Variants in KCNH8 observed in about 807,000 individuals in gnomAD.
The protein encoded by KCNH8 is voltage-gated delayed rectifier potassium channel KCNH8.
Under a neutral mutation model 103.6 loss-of-function variants are expected in KCNH8, and 70 were observed. The observed-to-expected ratio is 0.68, with a 90% CI of 0.56 to 0.82. KCNH8 has a LOEUF of 0.82. Among genes scored for constraint, KCNH8 ranks in the 40% least tolerant of loss-of-function variants. KCNH8 has a pLI of 0.00. For missense variants in KCNH8, 1,217 were observed against 1,329.9 expected, an observed-to-expected ratio of 0.92 and a Z score of 1.32; for synonymous variants, 498 against 489.4, an observed-to-expected ratio of 1.02 and a Z score of -0.23.
At chr3:19,514,654 A>G (rs1037114470) in intron 13 of KCNH8, among the ~76,000 whole-genome samples, 5 of 151,518 alleles carry the variant, frequency 3.3e-5, no homozygotes, top group African/African-American at 7.3e-5. Flanking sequence ...GTTAGATACT[A>G]TTTACCATGA....
intron 11 of KCNH8, among the ~76,000 whole-genome samples, chr3:19,496,850 AT>A (rs2068452988): frequency 1.3e-5 from 2 of 151,990 alleles, no homozygotes; most frequent in Admixed American, 6.6e-5. Context: ...TTGGCTTTTT[AT>A]TACTGTTTCA....
At chr3:19,316,615 C>T (rs998758278) in intron 3 of KCNH8, among the ~76,000 whole-genome samples, 1 of 151,916 alleles carries the variant, frequency 6.6e-6, no homozygotes, top group Non-Finnish European at 1.5e-5. Context: ...TCCTCCAGCT[C>T]TTACATATCA....
At chr3:19,378,732 A>G (rs998246550) in intron 5 of KCNH8, among the ~76,000 whole-genome samples, 11 of 152,228 alleles carry the variant, frequency 7.2e-5, no homozygotes, top group African/African-American at 2.7e-4. Context: ...ATGAGAAATG[A>G]TATGTTATGA....
intron 3 of KCNH8, among the ~76,000 whole-genome samples, chr3:19,339,321 A>G (rs1346532423): frequency 6.6e-6 from 1 of 152,118 alleles, no homozygotes; most frequent in Non-Finnish European, 1.5e-5. Flanking sequence ...TGTAGTTAGC[A>G]TTGTAATTCC....
At chr3:19,463,736 A>G (rs1389087428) in intron 11 of KCNH8, among the ~76,000 whole-genome samples, 3 of 152,100 alleles carry the variant, frequency 2.0e-5, no homozygotes. Flanking sequence ...TCTCAATTTC[A>G]AAGTGTATCC....
chr3:19,328,814 G>A (rs892485240), intron 3 of KCNH8, among the ~76,000 whole-genome samples: 8 of 152,072 alleles, frequency 5.3e-5, no homozygotes, highest in Non-Finnish European at 1.0e-4. Flanking sequence ...GTGAATAAAA[G>A]AATCCTATTT....
At chr3:19,187,229 G>C (rs1455345223) in intron 1 of KCNH8, among the ~76,000 whole-genome samples, 1 of 151,616 alleles carries the variant, frequency 6.6e-6, no homozygotes, top group Non-Finnish European at 1.5e-5. Flanking sequence ...ACTAAAATCA[G>C]CACAGATTTG....
intron 15 of KCNH8, among the ~76,000 whole-genome samples, chr3:19,530,048 A>G (rs993769683): frequency 6.6e-6 from 1 of 152,170 alleles, no homozygotes; most frequent in Non-Finnish European, 1.5e-5. Context: ...ATGCATGGTA[A>G]GCCAGGCACA....
chr3:19,398,362 G>T (rs2066556595), intron 7 of KCNH8, among the ~76,000 whole-genome samples: 1 of 151,948 alleles, frequency 6.6e-6, no homozygotes. Context: ...GAGATGACCT[G>T]AGTTTTAAAG....
chr3:19,248,731 G>C (rs1387404959), intron 1 of KCNH8, among the ~76,000 whole-genome samples: 1 of 152,090 alleles, frequency 6.6e-6, no homozygotes, highest in East Asian at 1.9e-4. Flanking sequence ...GATGAAAGAA[G>C]CTAATAGTGG....
At chr3:19,355,428 G>A (rs970258466) in intron 5 of KCNH8, among the ~76,000 whole-genome samples, 1 of 152,110 alleles carries the variant, frequency 6.6e-6, no homozygotes, top group Non-Finnish European at 1.5e-5. Context: ...AAAGACACAT[G>A]CACACATATG....
At chr3:19,518,951 T>C (rs1193255272) in intron 15 of KCNH8, among the ~76,000 whole-genome samples, 1 of 151,928 alleles carries the variant, frequency 6.6e-6, no homozygotes, top group Non-Finnish European at 1.5e-5. Context: ...ACAGGAAGTA[T>C]AATTAAAGAA....
chr3:19,443,010 A>G (rs2067305237), intron 8 of KCNH8, among the ~76,000 whole-genome samples: 1 of 151,884 alleles, frequency 6.6e-6, no homozygotes, highest in Non-Finnish European at 1.5e-5. Context: ...TAAAATATTC[A>G]TTTTATTATG....
chr3:19,286,585 A>G (rs899054688), intron 3 of KCNH8, among the ~76,000 whole-genome samples: 3 of 152,212 alleles, frequency 2.0e-5, no homozygotes, highest in Non-Finnish European at 2.9e-5. Flanking sequence ...TGGTTCCACT[A>G]CATCCTGAGG....
intron 7 of KCNH8, among the ~76,000 whole-genome samples, chr3:19,436,858 AAAC>A (rs2067206918): frequency 6.6e-6 from 1 of 152,204 alleles, no homozygotes; most frequent in African/African-American, 2.4e-5. Flanking sequence ...TACAGGACCA[AAAC>A]AACCAAATAA....
chr3:19,279,304 G>A (rs779870804), intron 2 of KCNH8, among the ~76,000 whole-genome samples: 2 of 152,136 alleles, frequency 1.3e-5, no homozygotes, highest in South Asian at 2.1e-4. Context: ...GCTTCTCCAT[G>A]AATCACAAAC....
chr3:19,237,542 A>G (rs2064081964), intron 1 of KCNH8, among the ~76,000 whole-genome samples: 1 of 152,270 alleles, frequency 6.6e-6, no homozygotes. Flanking sequence ...GGGCACATGC[A>G]TTGAATATTA....
intron 11 of KCNH8, among the ~76,000 whole-genome samples, chr3:19,498,258 G>A (rs2068488502): frequency 6.6e-6 from 1 of 152,148 alleles, no homozygotes; most frequent in Non-Finnish European, 1.5e-5. Context: ...ACATTTATAT[G>A]TGTGGATTTG....
chr3:19,414,327 G>A (rs1358477921), intron 7 of KCNH8, among the ~76,000 whole-genome samples: 3 of 151,696 alleles, frequency 2.0e-5, no homozygotes, highest in African/African-American at 7.3e-5. Context: ...ATGGGATTTT[G>A]AAAAATTAAA....
Sources: gnomAD v4.1 joint callset for allele counts (sites outside exome capture counted in the v4.1 genomes callset) on GRCh38, gnomAD v4.1.1 for gene constraint, MANE v1.5 for transcripts, NCBI Gene and HGNC (gene_info 2026-07-23, HGNC 2026-07-21) for gene names.